Variants in LETMD1 observed in about 807,000 individuals in gnomAD.
LETMD1 encodes LETM1 domain containing 1.
In LETMD1, 30 loss-of-function variants were observed where a neutral mutation model predicts 43.9. That is an observed-to-expected ratio of 0.68 (90% CI 0.51 to 0.93). The LOEUF (loss-of-function observed/expected upper bound fraction) is 0.93. Among genes scored for constraint, LETMD1 ranks in the 40% least tolerant of loss-of-function variants. The pLI, the probability that LETMD1 is intolerant of heterozygous loss-of-function variation, is 0.00. For synonymous variants in LETMD1, 176 were observed against 163.1 expected, an observed-to-expected ratio of 1.08 and a Z score of -0.60; for missense variants, 413 against 447.7, an observed-to-expected ratio of 0.92 and a Z score of 0.70.
rs1944992540 is a variant in LETMD1 at position 51,048,526 on chromosome 12, C to A, written c.122+48C>A. 7 of 1,603,896 alleles carry A rather than the reference C, an allele frequency of 4.4e-6. No individual in the cohort carries two copies. In the East Asian group the frequency reaches 1.3e-4, roughly 31 times the overall value. On this transcript the variant is annotated intron_variant, in intron 1 of 8. Transcript: ENST00000262055. The stretch of plus-strand genomic sequence containing the variant: ...AGCATTTTTGACGTCCAGGCTCTTT[C>A]AGTGTCTCAACCTTGCTTGCATTCT...
chr12:51,055,893 G>A lies in LETMD1; in HGVS notation c.532G>A (p.Asp178Asn), dbSNP rs372950573. ...TTTCTGGACCCCAAAACAACAAACT[G>A]ATTTCTTAGATATCTATCATGCTTT... ...RHFWTPKQQTDFLDIYHAFRK... is the reference protein window; with the variant it reads ...RHFWTPKQQTNFLDIYHAFRK... Residue 178 changes from aspartate to asparagine, a missense_variant, in exon 5 of 9, where the codon GAT (aspartate) becomes AAT (asparagine). By Grantham distance (23) the Asp-to-Asn change is conservative (BLOSUM62 1). Coordinates refer to ENST00000262055, the MANE Select transcript of LETMD1 (RefSeq NM_015416.5). The A allele has an allele frequency of 1.2e-6, 2 of 1,613,746 alleles. No individual in the cohort carries two copies. Among genetic ancestry groups the A allele is most frequent in the African/African-American group, 2.7e-5 (2 of 74,854 alleles).
chr12:51,066,190 C>G, the LETMD1 span, among the ~76,000 whole-genome samples: 1 of 152,108 alleles, frequency 6.6e-6, no homozygotes, highest in African/African-American at 2.4e-5. Flanking sequence ...TGCGGTGGCT[C>G]ACGCCTGTAA....
At chr12:51,067,623 C>A in the LETMD1 span, 1 of 1,565,674 alleles carries the variant, frequency 6.4e-7, no homozygotes, top group Non-Finnish European at 8.7e-7. The surrounding 1 kb of genome is among the most constrained non-coding windows in gnomAD (Gnocchi z 4.1). Flanking sequence ...CCACACCTCA[C>A]CCCGCTGACC....
intron 1 of LETMD1, chr12:51,048,770 C>G: frequency 1.7e-6 from 1 of 588,508 alleles, no homozygotes; most frequent in Non-Finnish European, 3.0e-6. Flanking sequence ...CTCTTTCTGA[C>G]TTAGCCTGCA....
chr12:51,067,891 C>T, the LETMD1 span: 2 of 1,614,204 alleles, frequency 1.2e-6, no homozygotes, highest in Non-Finnish European at 8.5e-7. The surrounding 1 kb of genome is among the most constrained non-coding windows in gnomAD (Gnocchi z 4.1). Context: ...ACATTTTCCA[C>T]ATCAATATCT....
At position 51,058,020 on chromosome 12, in the gene LETMD1, T is replaced by C; in HGVS notation, c.916-12T>C. On this transcript the variant is annotated splice_polypyrimidine_tract_variant and intron_variant, in intron 7 of 8. Coordinates refer to ENST00000262055, the MANE Select transcript of LETMD1 (RefSeq NM_015416.5). Reference sequence around the variant, plus strand: ...TGATTATTAAGGACCATTTCTGTTCTGAGTGGTATAGGCTTGTTATCTCCG... The same window carrying C: ...TGATTATTAAGGACCATTTCTGTTCCGAGTGGTATAGGCTTGTTATCTCCG... The C allele has an allele frequency of 1.3e-6, 2 of 1,550,022 alleles. No homozygotes were observed. Among genetic ancestry groups the C allele is most frequent in the Non-Finnish European group, 1.8e-6 (2 of 1,121,340 alleles).
chr12:51,048,530 G>A, intron 1 of LETMD1, 52 bp downstream of exon 1: 1 of 1,600,056 alleles, frequency 6.2e-7, no homozygotes, highest in Non-Finnish European at 8.5e-7. Flanking sequence ...CTCTTTCAGT[G>A]TCTCAACCTT....
chr12:51,055,665 T>TAACA, intron 4 of LETMD1, 170 bp from the exon 5 acceptor site: 2 of 149,252 alleles, frequency 1.3e-5, no homozygotes, highest in Non-Finnish European at 2.4e-5. Context: ...CCCTGTCTCT[T>TAACA]AAAAAAAAAA....
chr12:51,064,304 C>T, downstream of LETMD1: 1 of 1,613,838 alleles, frequency 6.2e-7, no homozygotes. Context: ...CTAGGATGCA[C>T]ACACCCAGGC....
chr12:51,057,154 C>T (rs1465407678), intron 7 of LETMD1, among the ~76,000 whole-genome samples: 1 of 152,182 alleles, frequency 6.6e-6, no homozygotes, highest in East Asian at 1.9e-4. Flanking sequence ...ATGAGAATTG[C>T]TTGAACCCAG....
Position 51,059,495 on chromosome 12 carries a change from G to C in LETMD1, c.*64G>C, listed in dbSNP as rs1242373746. 1.4e-6 allele frequency: 2 copies of C among 1,403,258 alleles called. No homozygotes were observed. The highest frequency in any genetic ancestry group is 4.6e-5 in the East Asian group (2 of 43,836). The allele number at this position is 1,403,258 out of a possible 1,614,324, so 86.9% of individuals were successfully genotyped here. ...TAGTATAGCAGTGCAGGAACAAACA[G>C]CACTTGCCAGCAAAGTCTGTGTGTA... On this transcript the variant is annotated 3_prime_UTR_variant, in exon 9 of 9. Coordinates refer to ENST00000262055, the MANE Select transcript of LETMD1 (RefSeq NM_015416.5).
chr12:51,066,670 T>C, the LETMD1 span, among the ~76,000 whole-genome samples: 4 of 151,262 alleles, frequency 2.6e-5, no homozygotes, highest in African/African-American at 4.8e-5. Flanking sequence ...CAACAAGAGA[T>C]GATACTTTCT....
chr12:51,053,668 C>A, intron 3 of LETMD1, 110 bp from the exon 4 acceptor site: 1 of 713,814 alleles, frequency 1.4e-6, no homozygotes, highest in South Asian at 1.9e-5. Flanking sequence ...GAAATTTGGT[C>A]CTTTTTCTGG....
intron 8 of LETMD1, 157 bp from the exon 9 acceptor site, chr12:51,059,204 A>G: frequency 1.6e-6 from 1 of 631,230 alleles, no homozygotes; most frequent in Non-Finnish European, 2.9e-6. Context: ...AGGCATGCAT[A>G]CAGGGGCTGA....
intron 3 of LETMD1, among the ~76,000 whole-genome samples, chr12:51,053,341 G>A (rs566430731): frequency 5.3e-4 from 81 of 152,286 alleles, no homozygotes; most frequent in African/African-American, 1.9e-3. Context: ...CCATCCAGAA[G>A]TAAATAGAAA....
At chr12:51,061,216 A>ATTTC (rs1592730644), downstream of LETMD1, 2 of 152,642 alleles carry the variant, frequency 1.3e-5, no homozygotes, top group East Asian at 3.9e-4. Flanking sequence ...TCTTTTGAAT[A>ATTTC]TTTCTTTAAT....
downstream of LETMD1, chr12:51,064,719 A>T (rs11832566): frequency 6.6e-3 from 9,563 of 1,445,806 alleles, 499 homozygotes; most frequent in African/African-American, 0.12. Flanking sequence ...CAATCCTAAC[A>T]ATGGAGACAG....
At chr12:51,049,620 G>C (rs1006618381) in intron 2 of LETMD1, among the ~76,000 whole-genome samples, 2 of 152,148 alleles carry the variant, frequency 1.3e-5, no homozygotes, top group Admixed American at 1.3e-4. Flanking sequence ...CATAATACTT[G>C]GTTTCTAAAT....
chr12:51,062,194 C>G (rs1402570995), downstream of LETMD1: 1 of 152,158 alleles, frequency 6.6e-6, no homozygotes, highest in East Asian at 1.9e-4. Flanking sequence ...TTCTGTAAGA[C>G]ACCAGGGCCT....
Sources: allele counts gnomAD v4.1 joint callset (sites outside exome capture counted in the v4.1 genomes callset), GRCh38; gene constraint gnomAD v4.1.1; non-coding constraint Gnocchi (gnomAD v3.1); transcripts MANE v1.5; gene names NCBI Gene and HGNC (gene_info 2026-07-23, HGNC 2026-07-21).